The following P4HA2 variants were observed in gnomAD, a reference collection of about 807,000 sequenced individuals.
The protein encoded by P4HA2 is prolyl 4-hydroxylase subunit alpha 2.
Under a neutral mutation model 76.9 loss-of-function variants are expected in P4HA2, and 46 were observed. The observed-to-expected ratio is 0.60, with a 90% CI of 0.47 to 0.76. The LOEUF is 0.76. Among genes scored for constraint, P4HA2 ranks in the 30% least tolerant of loss-of-function variants. P4HA2 has a pLI of 0.00. For missense variants in P4HA2, 583 were observed against 669.4 expected, an observed-to-expected ratio of 0.87 and a Z score of 1.42; for synonymous variants, 243 against 254.0, an observed-to-expected ratio of 0.96 and a Z score of 0.41.
chr5:132,208,005 C>T (rs1752436702), intron 7 of P4HA2, 121 bp from the exon 8 acceptor site: 2 of 714,642 alleles, frequency 2.8e-6, no homozygotes, highest in Admixed American at 2.8e-5. Context: ...CACCACACCA[C>T]AGAAGAAAAC....
At position 132,214,069 on chromosome 5, in the gene P4HA2, C is replaced by A; in HGVS notation, c.332-16G>T. ...GCGATAAAACCTTCCAAATGAGAGT[C>A]AGAACAAGAGATTACCCTTGATCCA... On this transcript the variant is annotated splice_polypyrimidine_tract_variant and intron_variant, in intron 4 of 14. Coordinates refer to ENST00000360568, the MANE Select transcript of P4HA2 (RefSeq NM_001017974.2). 1.9e-6 allele frequency: 3 copies of A among 1,613,182 alleles called. No homozygotes were observed. Among genetic ancestry groups the A allele is most frequent in the Non-Finnish European group, 2.5e-6 (3 of 1,179,638 alleles).
chr5:132,212,621 A>G (rs930373444), intron 5 of P4HA2, among the ~76,000 whole-genome samples: 1 of 152,200 alleles, frequency 6.6e-6, no homozygotes, highest in Non-Finnish European at 1.5e-5. Context: ...GCATCCGTCT[A>G]CACTGGTTAG....
At chr5:132,220,376 CAT>C (rs1037992714) in intron 1 of P4HA2, among the ~76,000 whole-genome samples, 3 of 152,308 alleles carry the variant, frequency 2.0e-5, no homozygotes, top group Admixed American at 1.3e-4. Flanking sequence ...ACAGTGAAAA[CAT>C]AGAGCTGGGA....
At chr5:132,198,112 C>T in intron 12 of P4HA2, 1 of 1,569,200 alleles carries the variant, frequency 6.4e-7, no homozygotes, top group East Asian at 2.3e-5. Flanking sequence ...CATTACTTAA[C>T]AGCAGATGAG....
intron 1 of P4HA2, among the ~76,000 whole-genome samples, chr5:132,225,569 C>T (rs1381914589): frequency 6.6e-6 from 1 of 152,240 alleles, no homozygotes; most frequent in East Asian, 1.9e-4. Flanking sequence ...ACATGGCCAG[C>T]TGCCAATATG....
At chr5:132,225,984 T>G (rs1755336868) in intron 1 of P4HA2, among the ~76,000 whole-genome samples, 1 of 152,102 alleles carries the variant, frequency 6.6e-6, no homozygotes, top group African/African-American at 2.4e-5. Context: ...CTCGGCTGTG[T>G]AAGAACAAGG....
intron 1 of P4HA2, among the ~76,000 whole-genome samples, chr5:132,224,894 T>C (rs967854364): frequency 6.6e-6 from 1 of 152,110 alleles, no homozygotes; most frequent in Non-Finnish European, 1.5e-5. Flanking sequence ...GAGCAGATGC[T>C]GGCCTGTTAC....
intron 14 of P4HA2, among the ~76,000 whole-genome samples, chr5:132,194,277 T>C (rs1750271380): frequency 6.6e-6 from 1 of 152,202 alleles, no homozygotes; most frequent in South Asian, 2.1e-4. Context: ...AACTGCCTTG[T>C]TTTCTTTTCC....
intron 5 of P4HA2, among the ~76,000 whole-genome samples, chr5:132,213,093 C>T (rs1753312744): frequency 6.6e-6 from 1 of 152,148 alleles, no homozygotes; most frequent in Non-Finnish European, 1.5e-5. Flanking sequence ...AGAAAATGAC[C>T]AGAGAGGCTA....
At chr5:132,200,121 G>A (rs1751272152) in intron 10 of P4HA2, 1 of 152,558 alleles carries the variant, frequency 6.6e-6, no homozygotes, top group Non-Finnish European at 1.5e-5. Flanking sequence ...AGGATTGCTT[G>A]AGCACAGGAG....
At chr5:132,195,787 C>A (rs182999723) in intron 12 of P4HA2, 117 of 432,004 alleles carry the variant, frequency 2.7e-4, no homozygotes, top group African/African-American at 1.8e-3. Flanking sequence ...CTGTTCTGAC[C>A]CCACCCTTTG....
At chr5:132,216,090 G>A (rs985610265) in intron 4 of P4HA2, among the ~76,000 whole-genome samples, 6 of 149,752 alleles carry the variant, frequency 4.0e-5, no homozygotes, top group Admixed American at 2.0e-4. Flanking sequence ...GCTTGAACCC[G>A]GAGGCAGAGG....
chr5:132,193,230 T>C (rs938781035), intron 14 of P4HA2, 150 bp from the exon 15 acceptor site: 29 of 627,860 alleles, frequency 4.6e-5, no homozygotes, highest in Non-Finnish European at 5.8e-5. Flanking sequence ...TGCTGAAGAA[T>C]TGGTAAGGAA....
intron 1 of P4HA2, among the ~76,000 whole-genome samples, chr5:132,220,508 C>G (rs1561497266): frequency 6.6e-6 from 1 of 152,236 alleles, no homozygotes. Flanking sequence ...CCCAGCATCT[C>G]TACCCAGGTG....
intron 1 of P4HA2, among the ~76,000 whole-genome samples, chr5:132,222,756 T>C (rs531590493): frequency 2.0e-5 from 3 of 152,368 alleles, no homozygotes; most frequent in Admixed American, 2.0e-4. Flanking sequence ...ATCCACATAC[T>C]TTCTCAGTCT....
chr5:132,224,594 C>T (rs1190096590), intron 1 of P4HA2, among the ~76,000 whole-genome samples: 1 of 152,206 alleles, frequency 6.6e-6, no homozygotes, highest in Non-Finnish European at 1.5e-5. Context: ...AGAAATGAAA[C>T]ATTTAATTCA....
At chr5:132,208,417 GA>G (rs1384601263) in intron 7 of P4HA2, among the ~76,000 whole-genome samples, 2 of 9,334 alleles carry the variant, frequency 2.1e-4, no homozygotes, top group Non-Finnish European at 6.3e-4. Flanking sequence ...AGGGGGAGGG[GA>G]GGGGGGGAGG....
At chr5:132,222,599 G>T (rs561294707) in intron 1 of P4HA2, among the ~76,000 whole-genome samples, 1 of 152,264 alleles carries the variant, frequency 6.6e-6, no homozygotes, top group Admixed American at 6.5e-5. Context: ...TAGCCCAAAG[G>T]GTCCTTTTGA....
At chr5:132,198,683 C>T (rs905616149) in intron 11 of P4HA2, among the ~76,000 whole-genome samples, 196 bp downstream of exon 11, 3 of 152,154 alleles carry the variant, frequency 2.0e-5, no homozygotes, top group Non-Finnish European at 4.4e-5. Flanking sequence ...AGCCAGGCTC[C>T]ACTGCATTCT....
Sources: gnomAD v4.1 joint callset for allele counts (sites outside exome capture counted in the v4.1 genomes callset) on GRCh38, gnomAD v4.1.1 for gene constraint, MANE v1.5 for transcripts, NCBI Gene and HGNC (gene_info 2026-07-23, HGNC 2026-07-21) for gene names.